Variants in CAMKK2 observed in about 807,000 individuals in gnomAD.
The protein encoded by CAMKK2 is calcium/calmodulin-dependent protein kinase kinase 2.
In CAMKK2, 30 loss-of-function variants were observed where a neutral mutation model predicts 67.2. The observed-to-expected ratio is 0.45, with a 90% CI of 0.33 to 0.61. CAMKK2 has a LOEUF of 0.61. Among genes scored for constraint, CAMKK2 ranks in the 20% least tolerant of loss-of-function variants. The probability of loss-of-function intolerance (pLI) is 0.02; values close to 1 mark genes in which losing one functional copy is unlikely to be tolerated. For missense variants in CAMKK2, 643 were observed against 802.0 expected (o/e 0.80, Z 2.39); for synonymous variants, 322 against 326.2 (o/e 0.99, Z 0.14).
chr12:121,239,600 A>G lies in CAMKK2; in HGVS notation c.*1099T>C, dbSNP rs200099212. On this transcript the variant is annotated 3_prime_UTR_variant, in exon 17 of 17. Coordinates refer to ENST00000404169, the MANE Select transcript of CAMKK2 (RefSeq NM_001270485.2). Reference sequence around the variant, plus strand: ...GAAAGCATTTCCCACCTGGCCCTCCAGAAACTGGGTATTTCATTGACCACA... The same window carrying G: ...GAAAGCATTTCCCACCTGGCCCTCCGGAAACTGGGTATTTCATTGACCACA... The G allele has an allele frequency of 1.3e-5, 2 of 152,238 alleles. No individual in the cohort carries two copies. Among genetic ancestry groups the G allele is most frequent in the African/African-American group, 2.4e-5 (1 of 41,460 alleles). 9.4% of individuals were successfully genotyped at this position (152,238 alleles called of 1,614,324 possible). A position where few individuals can be genotyped will look rare whatever the true frequency, so the allele number is the denominator to read the frequency against.
At chr12:121,287,690 G>C (rs992631979) in intron 1 of CAMKK2, among the ~76,000 whole-genome samples, 5 of 152,226 alleles carry the variant, frequency 3.3e-5, no homozygotes, top group Admixed American at 2.6e-4. Flanking sequence ...CTGTGGGCCA[G>C]GTACAGTGGT....
chr12:121,290,021 G>C (rs1219988943), intron 1 of CAMKK2, among the ~76,000 whole-genome samples: 1 of 152,124 alleles, frequency 6.6e-6, no homozygotes, highest in African/African-American at 2.4e-5. Flanking sequence ...TCTGTGAAAT[G>C]GTGCCAGACC....
chr12:121,297,051 T>G (rs1327849931), upstream of CAMKK2: 2 of 153,166 alleles, frequency 1.3e-5, no homozygotes, highest in African/African-American at 4.8e-5. Flanking sequence ...GAGGAGAGCC[T>G]GGAGGGGCGC....
At chr12:121,281,810 G>A (rs1238410148) in intron 1 of CAMKK2, among the ~76,000 whole-genome samples, 1 of 152,200 alleles carries the variant, frequency 6.6e-6, no homozygotes. Flanking sequence ...GCCAGGTGTG[G>A]TGGCGGGCGC....
chr12:121,249,713 G>T, intron 13 of CAMKK2, 74 bp downstream of exon 13: 1 of 1,194,000 alleles, frequency 8.4e-7, no homozygotes, highest in Non-Finnish European at 1.3e-6. Context: ...GTGGACACAA[G>T]GGTGTGGGGT....
intron 1 of CAMKK2, among the ~76,000 whole-genome samples, chr12:121,290,672 T>C (rs1386332141): frequency 6.6e-6 from 1 of 152,006 alleles, no homozygotes; most frequent in African/African-American, 2.4e-5. Flanking sequence ...CCTGGGCGAG[T>C]GAGTGAGATC....
intron 7 of CAMKK2, among the ~76,000 whole-genome samples, chr12:121,259,611 A>C (rs1893036268): frequency 6.6e-6 from 1 of 152,128 alleles, no homozygotes; most frequent in Non-Finnish European, 1.5e-5. Context: ...GGCCATACCT[A>C]TATGCCACAT....
intron 1 of CAMKK2, among the ~76,000 whole-genome samples, chr12:121,283,810 T>C (rs376388896): frequency 2.7e-5 from 4 of 148,994 alleles, no homozygotes; most frequent in Admixed American, 6.6e-5. Flanking sequence ...ATGAGATCCT[T>C]TCGCTAAATA....
rs1888098098 is a variant in CAMKK2, at chr12:121,240,273, TC to T, written c.*425del. 1 of 675,980 alleles carries T rather than the reference TC, an allele frequency of 1.5e-6. No homozygotes were observed. Among genetic ancestry groups the T allele is most frequent in the Non-Finnish European group, 2.5e-6 (1 of 405,380 alleles). 41.9% of individuals were successfully genotyped at this position (675,980 alleles called of 1,614,324 possible). On this transcript the variant is annotated 3_prime_UTR_variant, in exon 17 of 17. Coordinates refer to ENST00000404169, the MANE Select transcript of CAMKK2 (RefSeq NM_001270485.2). The surrounding 1 kb of genome is among the most constrained non-coding windows in gnomAD (Gnocchi z 4.4). Reference sequence around the variant, plus strand: ...GCCACATCTAGCCCCCTACTCCCTCTCAAATGCAGCAACCACCTCCATGGCC... The same window carrying T: ...GCCACATCTAGCCCCCTACTCCCTCTAAATGCAGCAACCACCTCCATGGCC...
rs1483990259 is a variant in CAMKK2, at chr12:121,255,573, T to A, written c.884A>T (p.Asp295Val). 1.2e-6 allele frequency: 2 copies of A among 1,611,640 alleles called. No homozygotes were observed. Among genetic ancestry groups the A allele is most frequent in the African/African-American group, 1.3e-5 (1 of 74,474 alleles). ...SEDQARFYFQ[D>V]LIKGIEYLHY... is the part of the protein sequence containing the mutation. ...ACAGTACTCGATGCCTTTGATCAGA[T>A]CCTGGAAGTAGAAACGGGCCTGGTC... The change falls in exon 9 of 17, where the codon GAT (aspartate) becomes GTT (valine). Residue 295 changes from aspartate to valine, a missense_variant. Around this residue, in one of 3 missense-constraint regions of CAMKK2, gnomAD observed 483 missense variants for 625.8 expected, o/e 0.77. Coordinates refer to ENST00000404169, the MANE Select transcript of CAMKK2 (RefSeq NM_001270485.2).
At chr12:121,291,696 C>G (rs1308275773) in intron 1 of CAMKK2, among the ~76,000 whole-genome samples, 2 of 152,152 alleles carry the variant, frequency 1.3e-5, no homozygotes, top group Admixed American at 1.3e-4. Flanking sequence ...TGCTCTGGAA[C>G]TAGACAGAAG....
chr12:121,250,226 G>C (rs1354031383), intron 11 of CAMKK2, among the ~76,000 whole-genome samples, 192 bp from the exon 12 acceptor site: 3 of 152,122 alleles, frequency 2.0e-5, no homozygotes, highest in Non-Finnish European at 2.9e-5. Context: ...GGCCGACGCA[G>C]GGCAGAGCCA....
Position 121,240,710 on chromosome 12 carries a change from C to G in CAMKK2, c.1756G>C (p.Glu586Gln), listed in dbSNP as rs766757308. Reference sequence around the variant, plus strand: ...AGCGATCCAGGCAGCTACTCGGGCTCCATGGCCTCCTCCGGCCGCAGTGGA... The same window carrying G: ...AGCGATCCAGGCAGCTACTCGGGCTGCATGGCCTCCTCCGGCCGCAGTGGA... ...MHPLRPEEAM[E>Q]PE The change falls in exon 17 of 17, where the codon GAG becomes CAG. Residue 586 changes from glutamate to glutamine, a missense_variant. This residue lies in a region of CAMKK2 where 140 missense variants were observed against 124.2 expected (regional missense o/e 1.13). Transcript: ENST00000404169. This position sits in a 1 kb window ranked among gnomAD's most constrained non-coding sequence, Gnocchi z 4.4. 3.1e-6 allele frequency: 5 copies of G among 1,603,992 alleles called. No homozygotes were observed. Among genetic ancestry groups the G allele is most frequent in the Non-Finnish European group, 4.2e-6 (5 of 1,177,716 alleles).
chr12:121,283,001 C>A (rs1476353041), intron 1 of CAMKK2, among the ~76,000 whole-genome samples: 2 of 152,118 alleles, frequency 1.3e-5, no homozygotes, highest in African/African-American at 4.8e-5. Flanking sequence ...ATGATCCACC[C>A]GCCTCAGCCT....
rs543500778 is a variant in CAMKK2, at chr12:121,286,210, C to T, written c.-60+10428G>A. Among the ~76,000 whole-genome samples the T allele has an allele frequency of 3.4e-3, 512 of 152,346 alleles. 2 individuals carry two copies. The highest frequency in any genetic ancestry group is 5.2e-3 in the Non-Finnish European group (354 of 68,034). ...TGACAGGGAAGCTGCTGTCTCCCTA[C>T]ACCCCAGGGCTCTCATCCAGGCCAA... On this transcript the variant is annotated intron_variant, in intron 1 of 16. Coordinates refer to ENST00000404169, the MANE Select transcript of CAMKK2 (RefSeq NM_001270485.2).
chr12:121,268,339 G>A (rs1030812517), intron 5 of CAMKK2, among the ~76,000 whole-genome samples: 2 of 151,922 alleles, frequency 1.3e-5, no homozygotes, highest in African/African-American at 4.8e-5. Context: ...GGAATTGCCA[G>A]TGTTTTCCTC....
intron 5 of CAMKK2, among the ~76,000 whole-genome samples, chr12:121,264,243 C>G (rs1894058473): frequency 6.6e-6 from 1 of 152,252 alleles, no homozygotes; most frequent in Non-Finnish European, 1.5e-5. Context: ...GCTCAGCAAT[C>G]TCAACACCCA....
At chr12:121,276,013 A>G (rs1566113580) in intron 1 of CAMKK2, among the ~76,000 whole-genome samples, 1 of 151,988 alleles carries the variant, frequency 6.6e-6, no homozygotes, top group Non-Finnish European at 1.5e-5. Flanking sequence ...TACAAAAATT[A>G]GCCAAGTGTG....
At chr12:121,260,045 G>A (rs946607764) in intron 7 of CAMKK2, among the ~76,000 whole-genome samples, 1 of 152,192 alleles carries the variant, frequency 6.6e-6, no homozygotes. Flanking sequence ...TCACACCACT[G>A]AACTGTAAGC....
Sources: gnomAD v4.1 joint callset for allele counts (sites outside exome capture counted in the v4.1 genomes callset) on GRCh38, gnomAD v4.1.1 for gene constraint, gnomAD v4.1.1 regional missense constraint, Gnocchi (gnomAD v3.1) non-coding constraint, MANE v1.5 for transcripts, NCBI Gene and HGNC (gene_info 2026-07-23, HGNC 2026-07-21) for gene names.